Variants in REV1 observed in about 807,000 individuals in gnomAD.
REV1 encodes REV1 DNA directed polymerase, also known as translesion synthesis protein REV1.
Under a neutral mutation model 137.4 loss-of-function variants are expected in REV1, and 42 were observed. The observed-to-expected ratio is 0.31, with a 90% CI of 0.24 to 0.40. REV1 has a LOEUF of 0.40. REV1 is among the 10% of genes least tolerant of loss of function. The probability of loss-of-function intolerance (pLI) is 1.00; values close to 1 mark genes in which losing one functional copy is unlikely to be tolerated. For synonymous variants in REV1, 524 were observed against 519.2 expected (o/e 1.01, Z -0.12); for missense variants, 1,282 against 1,490.1 (o/e 0.86, Z 2.30).
chr2:99,435,677 T>C (rs1381607122), intron 7 of REV1, 157 bp downstream of exon 7: 1 of 505,118 alleles, frequency 2.0e-6, no homozygotes, highest in Non-Finnish European at 3.5e-6. Flanking sequence ...AACTCTAATT[T>C]CCCTATACCT....
At chr2:99,416,541 A>G (rs1012105001) in intron 12 of REV1, among the ~76,000 whole-genome samples, 2 of 152,122 alleles carry the variant, frequency 1.3e-5, no homozygotes, top group African/African-American at 4.8e-5. Context: ...GAGAAGGCCA[A>G]CTCTGCTGCC....
At chr2:99,466,134 G>A (rs768133986) in intron 1 of REV1, among the ~76,000 whole-genome samples, 3 of 151,898 alleles carry the variant, frequency 2.0e-5, no homozygotes, top group Non-Finnish European at 4.4e-5. Context: ...TGTATTTTTA[G>A]TAGAGACGGC....
In REV1 at chr2:99,434,552, T is replaced by G. The variant is rs976401433; in HGVS notation, c.1322-104A>C. 8 of 558,970 alleles carry G rather than the reference T, an allele frequency of 1.4e-5. No individual in the cohort carries two copies. In the African/African-American group the frequency reaches 1.5e-4, roughly 11 times the overall value. 34.6% of individuals were successfully genotyped at this position (558,970 alleles called of 1,614,324 possible). A position where few individuals can be genotyped will look rare whatever the true frequency, so the allele number is the denominator to read the frequency against. ...TTTTAAAAACATGCCTTTTTTTTCT[T>G]TAGCTTTACTTAGACATTAATCCTT... On this transcript the variant is annotated intron_variant, in intron 7 of 22. Coordinates refer to ENST00000258428, the MANE Select transcript of REV1 (RefSeq NM_016316.4).
At chr2:99,412,639 A>C in intron 13 of REV1, 92 bp downstream of exon 13, 5 of 959,948 alleles carry the variant, frequency 5.2e-6, no homozygotes, top group Non-Finnish European at 6.6e-6. Context: ...CTTAATTTCA[A>C]GCATTGAGGG....
chr2:99,471,109 G>A (rs1685359800), intron 1 of REV1, among the ~76,000 whole-genome samples: 6 of 150,654 alleles, frequency 4.0e-5, no homozygotes, highest in Admixed American at 3.4e-4. Flanking sequence ...AAAGCAGCCT[G>A]TGGCCACCCC....
chr2:99,425,455 A>G (rs1679213489), intron 9 of REV1, among the ~76,000 whole-genome samples: 1 of 152,150 alleles, frequency 6.6e-6, no homozygotes. Flanking sequence ...GGTGCTGGGT[A>G]TAGGATGGCA....
At chr2:99,483,914 G>C (rs772295601) in intron 1 of REV1, among the ~76,000 whole-genome samples, 1 of 152,098 alleles carries the variant, frequency 6.6e-6, no homozygotes, top group Admixed American at 6.5e-5. Context: ...GAGTCTGTAA[G>C]ATTCTTCCTA....
At chr2:99,437,407 A>G (rs1423441740) in intron 6 of REV1, among the ~76,000 whole-genome samples, 2 of 152,218 alleles carry the variant, frequency 1.3e-5, no homozygotes, top group African/African-American at 4.8e-5. Context: ...CTGCAGCCTA[A>G]GAGTGGCAGA....
chr2:99,470,768 G>C (rs922538664), intron 1 of REV1, among the ~76,000 whole-genome samples: 5 of 152,174 alleles, frequency 3.3e-5, no homozygotes, highest in African/African-American at 1.2e-4. Context: ...TGGAAACCGG[G>C]CATAGCAGCA....
chr2:99,426,160 C>A (rs1165437740), intron 9 of REV1, among the ~76,000 whole-genome samples: 1 of 152,048 alleles, frequency 6.6e-6, no homozygotes, highest in South Asian at 2.1e-4. Context: ...GCCTGGCCAA[C>A]ATGGTGAAAC....
chr2:99,467,164 G>T (rs1330014887), intron 1 of REV1, among the ~76,000 whole-genome samples: 1 of 152,060 alleles, frequency 6.6e-6, no homozygotes, highest in Non-Finnish European at 1.5e-5. Flanking sequence ...TGTAACGTCT[G>T]TTGTATACCT....
chr2:99,432,600 A>C (rs1319749600), intron 8 of REV1, among the ~76,000 whole-genome samples: 1 of 152,268 alleles, frequency 6.6e-6, no homozygotes, highest in Non-Finnish European at 1.5e-5. Context: ...ATATAAAAGT[A>C]AATGACATCA....
At chr2:99,465,949 T>C (rs1684751380) in intron 1 of REV1, among the ~76,000 whole-genome samples, 1 of 152,150 alleles carries the variant, frequency 6.6e-6, no homozygotes, top group Admixed American at 6.6e-5. Flanking sequence ...TATTTATTTA[T>C]TATTTTTTTT....
At chr2:99,445,469 A>G (rs1682078598) in intron 4 of REV1, among the ~76,000 whole-genome samples, 3 of 152,210 alleles carry the variant, frequency 2.0e-5, no homozygotes, top group Admixed American at 2.0e-4. Flanking sequence ...TTCTCAATCT[A>G]CAAGGATCAA....
chr2:99,474,290 G>A (rs1446984597), intron 1 of REV1, among the ~76,000 whole-genome samples: 1 of 152,118 alleles, frequency 6.6e-6, no homozygotes, highest in Non-Finnish European at 1.5e-5. Flanking sequence ...CACAATAGTT[G>A]ACTTCTAGGG....
chr2:99,412,919 A>G lies in REV1; in HGVS notation c.1984T>C (p.Ser662Pro). The change falls in exon 13 of 23, where the codon TCT becomes CCT. Residue 662 changes from serine to proline, a missense_variant. Physicochemically the swap from Ser to Pro is moderately conservative, Grantham distance 74 (BLOSUM62 -1). This residue lies in a region of REV1 where 372 missense variants were observed against 482.3 expected (regional missense o/e 0.77). Coordinates refer to ENST00000258428, the MANE Select transcript of REV1 (RefSeq NM_016316.4). ...VGHSMESKLA[S>P]LGIKTCGDLQ... ...TCTCCACAAGTTTTAATTCCCAAAG[A>G]TGCCAACTTAGATTCCATTGAATGT... 1 of 1,614,068 alleles carries G rather than the reference A, an allele frequency of 6.2e-7. No homozygotes were observed.
In REV1 at chr2:99,439,141, A is replaced by G. The variant is rs376222421; in HGVS notation, c.673T>C (p.Phe225Leu). ...IPHPRGSTAI[F>L]NGHTPSSNGA... ...TTAGAGCTAGGAGTGTGTCCATTAA[A>G]AATGGCAGTGCTCCCTCTGGGATGC... is the stretch of plus-strand genomic sequence containing the variant. The change falls in exon 6 of 23, where the codon TTT (phenylalanine) becomes CTT (leucine). Residue 225 changes from phenylalanine to leucine, a missense_variant. By Grantham distance (22) the Phe-to-Leu change is conservative (BLOSUM62 0). Around this residue, in one of 7 missense-constraint regions of REV1, gnomAD observed 432 missense variants for 438.0 expected, o/e 0.99. Transcript: ENST00000258428. The G allele has an allele frequency of 1.1e-5, 17 of 1,614,058 alleles. No individual in the cohort carries two copies. In the African/African-American group the frequency reaches 2.1e-4, roughly 20 times the overall value.
intron 22 of REV1, 125 bp from the exon 23 acceptor site, chr2:99,401,477 T>C (rs1675400684): frequency 1.7e-6 from 1 of 585,062 alleles, no homozygotes; most frequent in Non-Finnish European, 2.9e-6. Context: ...AGGTGCGGTG[T>C]GGCTCATGCC....
chr2:99,488,796 T>C (rs1687366242), intron 1 of REV1, among the ~76,000 whole-genome samples: 1 of 152,202 alleles, frequency 6.6e-6, no homozygotes. Flanking sequence ...AATGGCTTAT[T>C]CTCGGAGACT....
Sources: gnomAD v4.1 joint callset for allele counts (sites outside exome capture counted in the v4.1 genomes callset) on GRCh38, gnomAD v4.1.1 for gene constraint, gnomAD v4.1.1 regional missense constraint, MANE v1.5 for transcripts, NCBI Gene and HGNC (gene_info 2026-07-23, HGNC 2026-07-21) for gene names.